SLC30A8: variants seen among roughly 807,000 people sequenced by gnomAD.
SLC30A8 encodes the protein solute carrier family 30 member 8.
A neutral mutation model predicts 36.9 loss-of-function variants in SLC30A8; 27 were observed. The ratio of observed to expected loss-of-function variants is 0.73; its 90% CI spans 0.54 to 1.01. The LOEUF (loss-of-function observed/expected upper bound fraction) is 1.01, where lower values mean the gene tolerates loss of function less well. Among genes scored for constraint, SLC30A8 ranks in the 50% least tolerant of loss-of-function variants. The pLI, the probability that SLC30A8 is intolerant of heterozygous loss-of-function variation, is 0.00. For missense variants in SLC30A8, 439 were observed against 452.0 expected (o/e 0.97, Z 0.26); for synonymous variants, 164 against 172.4 (o/e 0.95, Z 0.38).
chr8:117,019,398 T>G (rs957484760), intron 1 of SLC30A8, among the ~76,000 whole-genome samples: 1 of 151,814 alleles, frequency 6.6e-6, no homozygotes, highest in Non-Finnish European at 1.5e-5. Flanking sequence ...AGCACTTTCC[T>G]TATCATTTCC....
intron 2 of SLC30A8, among the ~76,000 whole-genome samples, chr8:117,112,759 A>G (rs529101760): frequency 2.8e-4 from 42 of 152,238 alleles, no homozygotes; most frequent in African/African-American, 1.0e-3. Context: ...TTACAGACTC[A>G]ATATCTAGTC....
At chr8:117,009,908 A>C (rs1816293555) in intron 1 of SLC30A8, among the ~76,000 whole-genome samples, 1 of 152,176 alleles carries the variant, frequency 6.6e-6, no homozygotes, top group Non-Finnish European at 1.5e-5. Flanking sequence ...TTCATGATTC[A>C]TTTTGTAATA....
chr8:117,034,424 C>T (rs962808336), intron 1 of SLC30A8, among the ~76,000 whole-genome samples: 3 of 152,124 alleles, frequency 2.0e-5, no homozygotes, highest in Non-Finnish European at 4.4e-5. Flanking sequence ...TAATACTTAA[C>T]AAATACTTAT....
At chr8:117,020,809 G>A (rs1429017667) in intron 1 of SLC30A8, among the ~76,000 whole-genome samples, 2 of 152,072 alleles carry the variant, frequency 1.3e-5, no homozygotes, top group African/African-American at 2.4e-5. Flanking sequence ...ATCAAACAAC[G>A]TTATGACCCT....
rs67998633 is a variant in SLC30A8 at position 116,979,238 on chromosome 8, CAAAAAAA to C, written c.-266+28139_-266+28145del. Among the ~76,000 whole-genome samples, 5 of 64,308 alleles carry C rather than the reference CAAAAAAA, an allele frequency of 7.8e-5. No homozygotes were observed. In the Admixed American group the frequency reaches 9.9e-4, roughly 13 times the overall value. 42.2% of individuals were successfully genotyped at this position (64,308 alleles called of 152,430 possible). On this transcript the variant is annotated intron_variant, in intron 1 of 10. Coordinates refer to the SLC30A8 transcript ENST00000427715. ...TGGGCAATAGCGTGAGACCCTGTCT[CAAAAAAA>C]AAAAAAAAAAAAAAAAAAAGAAAAC...
intron 1 of SLC30A8, among the ~76,000 whole-genome samples, chr8:116,992,152 GA>G (rs1489235919): frequency 6.6e-6 from 1 of 152,154 alleles, no homozygotes; most frequent in Non-Finnish European, 1.5e-5. Flanking sequence ...AATTATGTAG[GA>G]GGGGGTTCAA....
At chr8:117,140,334 CAAAGAA>C (rs887473204) in intron 1 of SLC30A8, among the ~76,000 whole-genome samples, 16 of 152,106 alleles carry the variant, frequency 1.1e-4, no homozygotes, top group African/African-American at 3.9e-4. Context: ...GAAAAACAGT[CAAAGAA>C]ATAGTGGCCC....
At chr8:117,153,704 A>G (rs1468860064) in intron 3 of SLC30A8, among the ~76,000 whole-genome samples, 1 of 151,174 alleles carries the variant, frequency 6.6e-6, no homozygotes, top group Non-Finnish European at 1.5e-5. Flanking sequence ...TATAGGCAGT[A>G]GCCAAGGTCA....
intron 2 of SLC30A8, among the ~76,000 whole-genome samples, chr8:117,151,534 A>G (rs914008810): frequency 6.6e-6 from 1 of 152,226 alleles, no homozygotes; most frequent in African/African-American, 2.4e-5. Context: ...AATGGTTCTC[A>G]GTTTCCAAGC....
intron 1 of SLC30A8, among the ~76,000 whole-genome samples, chr8:117,038,989 G>C (rs1475857356): frequency 6.6e-6 from 1 of 152,194 alleles, no homozygotes; most frequent in Admixed American, 6.5e-5. Flanking sequence ...AGGGAAGGCA[G>C]TGCCAGCTGA....
At chr8:116,963,613 T>C (rs551806368) in intron 1 of SLC30A8, among the ~76,000 whole-genome samples, 1 of 152,354 alleles carries the variant, frequency 6.6e-6, no homozygotes, top group South Asian at 2.1e-4. Context: ...GGCTGAATAA[T>C]ACTTTATTGT....
At chr8:116,999,062 C>T (rs1007388272) in intron 1 of SLC30A8, among the ~76,000 whole-genome samples, 1 of 152,138 alleles carries the variant, frequency 6.6e-6, no homozygotes, top group Non-Finnish European at 1.5e-5. Flanking sequence ...AGTTTGAGAC[C>T]AGCCTGGCCA....
At chr8:117,151,163 C>CTCTT (rs1443834030) in intron 2 of SLC30A8, among the ~76,000 whole-genome samples, 13 of 152,154 alleles carry the variant, frequency 8.5e-5, no homozygotes, top group Non-Finnish European at 4.4e-5. Flanking sequence ...AAAACCCCTT[C>CTCTT]TCTTTTTGCT....
intron 1 of SLC30A8, among the ~76,000 whole-genome samples, chr8:116,974,349 AAAC>A (rs1210304631): frequency 6.6e-6 from 1 of 151,680 alleles, no homozygotes; most frequent in East Asian, 1.9e-4. Context: ...ACAAGAAAAT[AAAC>A]AACCCCATCA....
intron 6 of SLC30A8, among the ~76,000 whole-genome samples, chr8:117,164,904 CATAA>C (rs1253889130): frequency 1.3e-5 from 2 of 152,174 alleles, no homozygotes; most frequent in Non-Finnish European, 2.9e-5. Context: ...GAATAGATCA[CATAA>C]ATAACCCTCA....
At chr8:117,026,170 G>A (rs1295997571) in intron 1 of SLC30A8, among the ~76,000 whole-genome samples, 1 of 152,092 alleles carries the variant, frequency 6.6e-6, no homozygotes, top group Non-Finnish European at 1.5e-5. Flanking sequence ...GTGTGCTTCA[G>A]TTATAATTAA....
At chr8:117,157,245 A>G (rs1822539807) in intron 3 of SLC30A8, among the ~76,000 whole-genome samples, 3 of 151,932 alleles carry the variant, frequency 2.0e-5, no homozygotes, top group Admixed American at 6.6e-5. Flanking sequence ...CCTTTTCACT[A>G]TTTTATTCCA....
intron 1 of SLC30A8, chr8:117,017,896 A>G (rs934391250): frequency 7.2e-5 from 11 of 152,220 alleles, no homozygotes; most frequent in Non-Finnish European, 1.2e-4. Context: ...AATGTGAGCC[A>G]CTTATATAAT....
intron 2 of SLC30A8, among the ~76,000 whole-genome samples, chr8:117,049,986 C>A (rs1586442930): frequency 6.6e-6 from 1 of 152,166 alleles, no homozygotes; most frequent in East Asian, 1.9e-4. Context: ...CTTTTTGGCA[C>A]TGTATTTTTT....
Sources: gnomAD v4.1 joint callset for allele counts (sites outside exome capture counted in the v4.1 genomes callset) on GRCh38, gnomAD v4.1.1 for gene constraint, MANE v1.5 for transcripts, NCBI Gene and HGNC (gene_info 2026-07-23, HGNC 2026-07-21) for gene names.